Variants in AGBL1 observed in about 807,000 individuals in gnomAD.
The protein encoded by AGBL1 is cytosolic carboxypeptidase 4.
In AGBL1, 130 loss-of-function variants were observed where a neutral mutation model predicts 118.9. The observed-to-expected ratio is 1.09, with a 90% CI of 0.95 to 1.26. The LOEUF is 1.26. Ranked by LOEUF, AGBL1 falls within the 50% of genes most tolerant of loss-of-function variation. AGBL1 has a pLI of 0.00. For synonymous variants in AGBL1, 555 were observed against 478.9 expected (o/e 1.16, Z -2.08); for missense variants, 1,584 against 1,298.1 (o/e 1.22, Z -3.38).
rs139012055 is a variant in AGBL1, at chr15:86,149,226, G to T, written c.263-5204G>T. On this transcript the variant is annotated intron_variant, in intron 3 of 22. Transcript: ENST00000614907. ...AGGAAGAAACTGCATCAATTAACGGGCAAAATAACCAGCTGACATGATAAC... is the reference window on the plus strand; with the variant it reads ...AGGAAGAAACTGCATCAATTAACGGTCAAAATAACCAGCTGACATGATAAC... Among the ~76,000 whole-genome samples the T allele has an allele frequency of 9.0e-3, 1,364 of 152,232 alleles. 24 individuals are homozygous for T. The highest frequency in any genetic ancestry group is 0.032 in the African/African-American group (1,312 of 41,504).
chr15:86,377,497 A>C (rs1189674261), intron 17 of AGBL1, among the ~76,000 whole-genome samples: 5 of 152,220 alleles, frequency 3.3e-5, no homozygotes, highest in African/African-American at 9.6e-5. Context: ...TCCTAAAATG[A>C]GAGCACAATT....
intron 18 of AGBL1, among the ~76,000 whole-genome samples, chr15:86,478,576 T>C (rs1673819632): frequency 6.6e-6 from 1 of 151,946 alleles, no homozygotes; most frequent in Non-Finnish European, 1.5e-5. Context: ...CTCAACAAAA[T>C]AAAAGAGGAC....
intron 4 of AGBL1, among the ~76,000 whole-genome samples, chr15:86,158,348 C>T (rs2077220902): frequency 6.6e-6 from 1 of 152,158 alleles, no homozygotes; most frequent in Admixed American, 6.5e-5. Flanking sequence ...CTCTTGTTCC[C>T]ACTCACTTTT....
chr15:87,008,426 T>C (rs1301897605), intron 24 of AGBL1, among the ~76,000 whole-genome samples: 2 of 152,202 alleles, frequency 1.3e-5, no homozygotes, highest in Non-Finnish European at 2.9e-5. Context: ...TCCGCCATGA[T>C]TGTGAGGTCT....
chr15:86,565,927 A>C (rs992215754), intron 21 of AGBL1, among the ~76,000 whole-genome samples: 1 of 152,228 alleles, frequency 6.6e-6, no homozygotes, highest in Non-Finnish European at 1.5e-5. Flanking sequence ...GGACCCTCTG[A>C]GCCAGGCGCG....
rs975163339 is a variant in AGBL1, at chr15:86,683,208, G to A, written c.3158+8772G>A. 4.0e-5 allele frequency among the ~76,000 whole-genome samples: 6 copies of A among 150,862 alleles called. No individual in the cohort carries two copies. The East Asian group carries it at 6.0e-4, about 15-fold the overall frequency. ...TAATTTCTCTTTATAGTTCCTTAAC[G>A]TATGTATTGGGTACATGTATATCTG... On this transcript the variant is annotated intron_variant, in intron 22 of 22. Coordinates refer to ENST00000614907, the MANE Select transcript of AGBL1 (RefSeq NM_001386094.1).
At position 86,615,583 on chromosome 15, in the gene AGBL1, G is replaced by A. The variant is rs965493058; in HGVS notation, c.2995-58690G>A. On this transcript the variant is annotated intron_variant, in intron 21 of 22. Transcript: ENST00000614907. The surrounding 1 kb of genome is among the most constrained non-coding windows in gnomAD (Gnocchi z 4.3). ...CGGTGGAGATGGCACAGTGGAGAAG[G>A]CAATAAACCTTCCATGGACTTTGAG... Among the ~76,000 whole-genome samples, 3 of 152,180 alleles carry A rather than the reference G, an allele frequency of 2.0e-5. No individual in the cohort carries two copies. Among genetic ancestry groups the A allele is most frequent in the African/African-American group, 4.8e-5 (2 of 41,438 alleles).
intron 22 of AGBL1, among the ~76,000 whole-genome samples, chr15:86,798,091 G>T (rs367605573): frequency 3.1e-4 from 47 of 152,186 alleles, no homozygotes; most frequent in African/African-American, 1.1e-3. Context: ...TCCTGAGGCT[G>T]TCACTGCAGT....
intron 18 of AGBL1, among the ~76,000 whole-genome samples, chr15:86,407,643 G>T (rs922781557): frequency 6.6e-6 from 1 of 152,082 alleles, no homozygotes. Context: ...GAACTTGTGC[G>T]CATAACAATC....
At chr15:86,816,964 T>C (rs1297681728) in intron 22 of AGBL1, among the ~76,000 whole-genome samples, 2 of 152,238 alleles carry the variant, frequency 1.3e-5, no homozygotes, top group Non-Finnish European at 1.5e-5. Flanking sequence ...TAGGAAATAA[T>C]TCAAGATTCC....
chr15:86,610,250 A>G (rs1330065446), intron 21 of AGBL1, among the ~76,000 whole-genome samples: 3 of 152,150 alleles, frequency 2.0e-5, no homozygotes, highest in Non-Finnish European at 4.4e-5. Flanking sequence ...CACTACCACC[A>G]TACTGTTGGG....
At chr15:86,582,875 G>C (rs528876329) in intron 21 of AGBL1, among the ~76,000 whole-genome samples, 5 of 140,900 alleles carry the variant, frequency 3.5e-5, no homozygotes, top group Admixed American at 2.9e-4. Flanking sequence ...GTTGGGGGAG[G>C]GGGGAGGGAT....
chr15:86,554,490 T>C lies in AGBL1; in HGVS notation c.2947T>C (p.Tyr983His), dbSNP rs1480541848. 1 of 1,578,284 alleles carries C rather than the reference T, an allele frequency of 6.3e-7. No homozygotes were observed. Residue 983 changes from tyrosine (Y) to histidine (H), a missense_variant, in exon 21 of 23, where the codon TAC (tyrosine) becomes CAC (histidine). Transcript: ENST00000614907. ...VWREMGVSRS[Y>H]TMESSYCGCN... ...GAGAGAGATGGGGGTGTCCAGAAGC[T>C]ACACCATGGAAAGCAGCTACTGTGG...
Position 86,264,633 on chromosome 15 carries a change from A to C in AGBL1, c.1462A>C (p.Thr488Pro). The C allele has an allele frequency of 6.2e-7, 1 of 1,613,936 alleles. No homozygotes were observed. The highest frequency in any genetic ancestry group is 1.1e-5 in the South Asian group (1 of 91,054). Reference protein sequence around the residue: ...MSASFSNSTRTREVVKVIDKL... With the variant: ...MSASFSNSTRPREVVKVIDKL... ...TGCCTCCTTTTCTAATTCCACTAGG[A>C]CTAGAGAAGTTGTCAAAGTAATAGA... is the stretch of plus-strand genomic sequence containing the variant. The change falls in exon 11 of 23, where the codon ACT becomes CCT. Residue 488 changes from threonine to proline, a missense_variant. Thr to Pro is a conservative substitution (Grantham distance 38, BLOSUM62 -1). Transcript: ENST00000614907.
chr15:86,469,614 G>A (rs2082452882), intron 18 of AGBL1, among the ~76,000 whole-genome samples: 1 of 152,098 alleles, frequency 6.6e-6, no homozygotes, highest in African/African-American at 2.4e-5. Context: ...GGGATTGCTG[G>A]ATCATAGGGT....
chr15:86,700,051 C>T (rs2086329346), intron 22 of AGBL1, among the ~76,000 whole-genome samples: 1 of 151,888 alleles, frequency 6.6e-6, no homozygotes, highest in South Asian at 2.1e-4. Flanking sequence ...CCCTCTTCTC[C>T]CCATTTCATT....
chr15:87,008,376 G>T (rs987418597), intron 24 of AGBL1, among the ~76,000 whole-genome samples: 10 of 152,148 alleles, frequency 6.6e-5, no homozygotes, highest in Non-Finnish European at 1.2e-4. Flanking sequence ...CTCTTTAATT[G>T]CCAGCATCCA....
chr15:86,832,824 A>G (rs917338729), intron 22 of AGBL1, among the ~76,000 whole-genome samples: 2 of 152,184 alleles, frequency 1.3e-5, no homozygotes, highest in African/African-American at 4.8e-5. Context: ...AGGTATCTTT[A>G]TAGCAGCACC....
intron 19 of AGBL1, among the ~76,000 whole-genome samples, chr15:86,529,637 A>C (rs1353803052): frequency 7.3e-6 from 1 of 136,314 alleles, no homozygotes; most frequent in Non-Finnish European, 1.5e-5. Context: ...GAGAAGAGCA[A>C]CTCCAAGACA....
Sources: allele counts gnomAD v4.1 joint callset (sites outside exome capture counted in the v4.1 genomes callset), GRCh38; gene constraint gnomAD v4.1.1; non-coding constraint Gnocchi (gnomAD v3.1); transcripts MANE v1.5; gene names NCBI Gene and HGNC (gene_info 2026-07-23, HGNC 2026-07-21).